The following PBX3 variants were observed in gnomAD, a reference collection of about 807,000 sequenced individuals.
The protein encoded by PBX3 is pre-B-cell leukemia transcription factor 3.
Under a neutral mutation model 48.5 loss-of-function variants are expected in PBX3, and 14 were observed. The observed-to-expected ratio is 0.29, with a 90% confidence interval of 0.19 to 0.45. The LOEUF is 0.45. Among genes scored for constraint, PBX3 ranks in the 20% least tolerant of loss-of-function variants. The pLI is 1.00. For synonymous variants in PBX3, 210 were observed against 200.3 expected (o/e 1.05, Z -0.41); for missense variants, 386 against 546.7 (o/e 0.71, Z 2.93).
intron 4 of PBX3, among the ~76,000 whole-genome samples, chr9:125,931,978 C>T (rs1841727344): frequency 6.6e-6 from 1 of 152,166 alleles, no homozygotes; most frequent in African/African-American, 2.4e-5. Context: ...TGAGTTTGAA[C>T]ATTTTCAGTG....
At position 125,910,819 on chromosome 9, in the gene PBX3, A is replaced by G. The variant is rs145407343; in HGVS notation, c.275-4867A>G. 3.6e-4 allele frequency among the ~76,000 whole-genome samples: 55 copies of G among 151,540 alleles called. No individual in the cohort carries two copies. The East Asian group carries it at 9.5e-3, about 26-fold the overall frequency. Reference sequence around the variant, plus strand: ...ATTGGTTATTTTACAGTTGTTTTCTATTGATGTCTACAAAATAACATGACT... The same window carrying G: ...ATTGGTTATTTTACAGTTGTTTTCTGTTGATGTCTACAAAATAACATGACT... On this transcript the variant is annotated intron_variant, in intron 2 of 8. Coordinates refer to ENST00000373489, the MANE Select transcript of PBX3 (RefSeq NM_006195.6).
chr9:125,796,322 T>C (rs141215087), intron 2 of PBX3, among the ~76,000 whole-genome samples: 9 of 152,340 alleles, frequency 5.9e-5, no homozygotes, highest in East Asian at 3.9e-4. Context: ...CTTATACTTA[T>C]ATCACCAGGT....
intron 3 of PBX3, 83 bp downstream of exon 3, chr9:125,916,010 T>TGAGG: frequency 6.5e-7 from 1 of 1,541,662 alleles, no homozygotes; most frequent in South Asian, 1.2e-5. Flanking sequence ...CTGAGGGCTG[T>TGAGG]GAGGGGTAGG....
At chr9:125,928,392 A>ATGTGTGTGTGTGTGTGTGTG (rs112869741) in intron 3 of PBX3, among the ~76,000 whole-genome samples, 26 of 140,284 alleles carry the variant, frequency 1.9e-4, no homozygotes, top group South Asian at 1.4e-3. Context: ...GGGGAAACAA[A>ATGTGTGTGTGTGTGTGTGTG]TGTGTGTGTG....
chr9:125,831,677 A>T (rs1042436611), intron 2 of PBX3, among the ~76,000 whole-genome samples: 3 of 152,066 alleles, frequency 2.0e-5, no homozygotes, highest in African/African-American at 7.3e-5. Context: ...TTTAGTAGTT[A>T]TTATGAAGTG....
At chr9:125,960,613 A>T in intron 5 of PBX3, 71 bp from the exon 6 acceptor site, 2 of 1,394,938 alleles carry the variant, frequency 1.4e-6, no homozygotes, top group Non-Finnish European at 2.0e-6. Context: ...CTTGGTGTCC[A>T]GCAGGTATTA....
At chr9:125,842,546 T>G (rs886924735) in intron 2 of PBX3, among the ~76,000 whole-genome samples, 1 of 152,138 alleles carries the variant, frequency 6.6e-6, no homozygotes, top group Non-Finnish European at 1.5e-5. Flanking sequence ...TGAGGCACCT[T>G]TCAGAGTGTG....
intron 5 of PBX3, among the ~76,000 whole-genome samples, chr9:125,942,089 G>A (rs1327493174): frequency 6.6e-6 from 1 of 152,206 alleles, no homozygotes; most frequent in Non-Finnish European, 1.5e-5. Flanking sequence ...TTTTATAATA[G>A]TCTAATATAA....
chr9:125,902,554 C>G (rs1204133251), intron 2 of PBX3, among the ~76,000 whole-genome samples: 1 of 151,626 alleles, frequency 6.6e-6, no homozygotes, highest in Non-Finnish European at 1.5e-5. Context: ...TTTGTAGTAT[C>G]ACTAAATATG....
At chr9:125,753,159 G>A (rs1231884404) in intron 2 of PBX3, among the ~76,000 whole-genome samples, 1 of 152,006 alleles carries the variant, frequency 6.6e-6, no homozygotes, top group Non-Finnish European at 1.5e-5. Context: ...TCAATTTTAA[G>A]CATTAGGTCT....
chr9:125,914,291 GAGTT>G (rs1406354147), intron 2 of PBX3, among the ~76,000 whole-genome samples: 1 of 152,108 alleles, frequency 6.6e-6, no homozygotes, highest in Admixed American at 6.5e-5. Context: ...AAATTATGGT[GAGTT>G]AGTTTTATTA....
chr9:125,877,606 C>T (rs1050327533), intron 2 of PBX3, among the ~76,000 whole-genome samples: 5 of 151,688 alleles, frequency 3.3e-5, no homozygotes, highest in African/African-American at 1.2e-4. Flanking sequence ...TTTTTTTATC[C>T]CCCTTTTCCC....
chr9:125,849,430 G>T (rs372821849), intron 2 of PBX3, among the ~76,000 whole-genome samples: 3 of 151,708 alleles, frequency 2.0e-5, no homozygotes, highest in African/African-American at 7.3e-5. Context: ...TCATGTTAAT[G>T]TTCCAAAGTG....
At chr9:125,784,693 A>G (rs1454373767) in intron 2 of PBX3, among the ~76,000 whole-genome samples, 1 of 152,234 alleles carries the variant, frequency 6.6e-6, no homozygotes, top group East Asian at 1.9e-4. Context: ...CTAAATAAAT[A>G]ATTAAAATAA....
At chr9:125,906,090 C>A (rs1841065025) in intron 2 of PBX3, among the ~76,000 whole-genome samples, 1 of 151,908 alleles carries the variant, frequency 6.6e-6, no homozygotes, top group South Asian at 2.1e-4. Flanking sequence ...AATATAGAAG[C>A]CATTTTTAGT....
At chr9:125,845,093 A>G (rs551497567) in intron 2 of PBX3, 2 of 152,218 alleles carry the variant, frequency 1.3e-5, no homozygotes, top group African/African-American at 2.4e-5. Flanking sequence ...TACGTTAGTC[A>G]GGAAGCATTA....
intron 5 of PBX3, among the ~76,000 whole-genome samples, chr9:125,943,080 T>C (rs1297041677): frequency 6.6e-6 from 1 of 151,880 alleles, no homozygotes; most frequent in Non-Finnish European, 1.5e-5. Context: ...AAGAGACAAT[T>C]TTCAGGCTGG....
At chr9:125,787,197 A>T (rs1426538304) in intron 2 of PBX3, among the ~76,000 whole-genome samples, 1 of 151,904 alleles carries the variant, frequency 6.6e-6, no homozygotes, top group Non-Finnish European at 1.5e-5. Flanking sequence ...ACACCACCAC[A>T]CCTGGCTAAT....
intron 2 of PBX3, among the ~76,000 whole-genome samples, chr9:125,822,250 A>G (rs1838673883): frequency 6.6e-6 from 1 of 152,152 alleles, no homozygotes; most frequent in African/African-American, 2.4e-5. Context: ...TCTTCTTTAT[A>G]AAATTTTGTG....
Sources: allele counts gnomAD v4.1 joint callset (sites outside exome capture counted in the v4.1 genomes callset), GRCh38; gene constraint gnomAD v4.1.1; transcripts MANE v1.5; gene names NCBI Gene and HGNC (gene_info 2026-07-23, HGNC 2026-07-21).